SLIT2: variants seen among roughly 807,000 people sequenced by gnomAD.
The protein encoded by SLIT2 is slit homolog 2 protein.
In SLIT2, 41 loss-of-function variants were observed where a neutral mutation model predicts 185.7. The ratio of observed to expected loss-of-function variants is 0.22; its 90% CI spans 0.17 to 0.29. The LOEUF (loss-of-function observed/expected upper bound fraction) is 0.29, where lower values mean the gene tolerates loss of function less well. Ranked by LOEUF, SLIT2 falls within the 10% of genes least tolerant of loss-of-function variation. SLIT2 has a pLI of 1.00. For missense variants in SLIT2, 1,571 were observed against 1,909.0 expected, an observed-to-expected ratio of 0.82 and a Z score of 3.30; for synonymous variants, 693 against 680.2, an observed-to-expected ratio of 1.02 and a Z score of -0.29.
At chr4:20,506,247 A>G (rs184352194) in intron 9 of SLIT2, among the ~76,000 whole-genome samples, 34 of 152,100 alleles carry the variant, frequency 2.2e-4, no homozygotes, top group African/African-American at 6.5e-4. Flanking sequence ...TTCTAAATCT[A>G]TTTTTACTTT....
chr4:20,424,627 C>G (rs550584849), intron 4 of SLIT2, among the ~76,000 whole-genome samples: 1 of 152,034 alleles, frequency 6.6e-6, no homozygotes. Context: ...AATCTATTTT[C>G]TAGTTGAAAT....
chr4:20,337,867 G>A (rs895578940), intron 4 of SLIT2, among the ~76,000 whole-genome samples: 6 of 151,970 alleles, frequency 3.9e-5, no homozygotes, highest in African/African-American at 2.4e-5. Context: ...CACTTTAGAG[G>A]TCCCAGTCAA....
intron 26 of SLIT2, among the ~76,000 whole-genome samples, chr4:20,561,587 T>A (rs1232573526): frequency 6.6e-6 from 1 of 151,720 alleles, no homozygotes; most frequent in Non-Finnish European, 1.5e-5. Context: ...TTTTGAAGCA[T>A]TATTTAGAAT....
intron 6 of SLIT2, among the ~76,000 whole-genome samples, chr4:20,482,042 C>G (rs1716754601): frequency 6.6e-6 from 1 of 151,790 alleles, no homozygotes; most frequent in African/African-American, 2.4e-5. Flanking sequence ...AATTGTATAC[C>G]AGAACCATTT....
intron 4 of SLIT2, among the ~76,000 whole-genome samples, chr4:20,356,885 A>G (rs1246069682): frequency 1.3e-5 from 2 of 152,158 alleles, no homozygotes; most frequent in Non-Finnish European, 2.9e-5. Flanking sequence ...TCTTTTTGAA[A>G]TCTCCTTAGT....
chr4:20,603,211 G>A (rs1728540442), intron 33 of SLIT2, among the ~76,000 whole-genome samples: 1 of 152,136 alleles, frequency 6.6e-6, no homozygotes, highest in South Asian at 2.1e-4. Context: ...CTAAGCGAAA[G>A]GGGAAAACTC....
chr4:20,262,185 C>T (rs1712541958), intron 3 of SLIT2, among the ~76,000 whole-genome samples: 1 of 151,842 alleles, frequency 6.6e-6, no homozygotes, highest in African/African-American at 2.4e-5. Flanking sequence ...CTAAACACTA[C>T]ATTCTAATGA....
intron 4 of SLIT2, among the ~76,000 whole-genome samples, chr4:20,312,347 T>TA (rs1314190034): frequency 2.0e-5 from 3 of 152,224 alleles, no homozygotes; most frequent in African/African-American, 7.2e-5. Flanking sequence ...ATTTATTCTT[T>TA]AGTGAAATAC....
chr4:20,501,734 G>A (rs565064758), intron 9 of SLIT2, among the ~76,000 whole-genome samples: 1 of 152,240 alleles, frequency 6.6e-6, no homozygotes, highest in East Asian at 1.9e-4. Flanking sequence ...GGCCATTATT[G>A]AGTTCACTAT....
intron 4 of SLIT2, among the ~76,000 whole-genome samples, chr4:20,428,854 G>C (rs1728754329): frequency 6.6e-6 from 1 of 152,182 alleles, no homozygotes; most frequent in South Asian, 2.1e-4. Context: ...AGTGGCATCT[G>C]TCCTGCTCCC....
chr4:20,532,113 T>C lies in SLIT2; in HGVS notation c.1688+55T>C, dbSNP rs1418530110. The C allele has an allele frequency of 4.9e-6, 5 of 1,023,390 alleles. No individual in the cohort carries two copies. The African/African-American group carries it at 8.2e-5, about 17-fold the overall frequency. 63.4% of individuals were successfully genotyped at this position (1,023,390 alleles called of 1,614,324 possible). ...TTCTGTAGCATTTTTTGGGTGTTCATTTCAGTTAAGTTTCTTAGAAAATTA... is the reference window on the plus strand; with the variant it reads ...TTCTGTAGCATTTTTTGGGTGTTCACTTCAGTTAAGTTTCTTAGAAAATTA... On this transcript the variant is annotated intron_variant, in intron 17 of 36. Transcript: ENST00000504154.
intron 4 of SLIT2, among the ~76,000 whole-genome samples, chr4:20,270,831 T>A (rs1391959094): frequency 6.6e-6 from 1 of 152,046 alleles, no homozygotes; most frequent in African/African-American, 2.4e-5. Context: ...GTGGAATTTT[T>A]ATTTGCATCC....
chr4:20,524,219 T>C (rs1276923990), intron 14 of SLIT2, 42 bp downstream of exon 14: 41 of 1,595,438 alleles, frequency 2.6e-5, no homozygotes, highest in Non-Finnish European at 3.4e-5. Context: ...CCAACAACAA[T>C]GGTTACATGA....
intron 4 of SLIT2, among the ~76,000 whole-genome samples, chr4:20,327,242 A>T (rs1297117426): frequency 6.6e-6 from 1 of 152,002 alleles, no homozygotes; most frequent in African/African-American, 2.4e-5. Context: ...TTATGACATT[A>T]AACATGGGCC....
At position 20,528,396 on chromosome 4, in the gene SLIT2, TGCTGAG is replaced by T. The variant is rs1480590714; in HGVS notation, c.1463-549_1463-544del. 1.9e-6 allele frequency: 1 copy of T among 530,142 alleles called. No homozygotes were observed. Among genetic ancestry groups the T allele is most frequent in the Admixed American group, 2.0e-5 (1 of 51,030 alleles). The allele number at this position is 530,142 out of a possible 1,614,324, so 32.8% of individuals were successfully genotyped here. On this transcript the variant is annotated intron_variant, in intron 15 of 36. Coordinates refer to ENST00000504154, the MANE Select transcript of SLIT2 (RefSeq NM_004787.4). This position sits in a 1 kb window ranked among gnomAD's most constrained non-coding sequence, Gnocchi z 4.2. ...CGCAGCTTTCTACAGCATGACAAGC[TGCTGAG>T]GCTTAAATCAGGATTTTCCTGTCTC...
chr4:20,363,005 G>T (rs1424043495), intron 4 of SLIT2, among the ~76,000 whole-genome samples: 1 of 151,964 alleles, frequency 6.6e-6, no homozygotes, highest in Non-Finnish European at 1.5e-5. Flanking sequence ...CACCTTCTGA[G>T]ACTGAAACAA....
intron 4 of SLIT2, among the ~76,000 whole-genome samples, chr4:20,340,687 G>A (rs914640315): frequency 6.6e-5 from 10 of 152,098 alleles, no homozygotes; most frequent in African/African-American, 9.7e-5. Flanking sequence ...TGCGAGCTCC[G>A]CCTTCCAGGT....
At chr4:20,552,113 G>A (rs1045474757) in intron 25 of SLIT2, among the ~76,000 whole-genome samples, 6 of 152,118 alleles carry the variant, frequency 3.9e-5, no homozygotes, top group South Asian at 4.1e-4. Flanking sequence ...TGGCTGCCAC[G>A]TGCATGAGCT....
At chr4:20,580,435 GTA>G (rs139503611) in intron 29 of SLIT2, among the ~76,000 whole-genome samples, 1 of 145,694 alleles carries the variant, frequency 6.9e-6, no homozygotes, top group Non-Finnish European at 1.5e-5. Context: ...GTGTGTGTGT[GTA>G]TGCACATAAG....
Sources: allele counts gnomAD v4.1 joint callset (sites outside exome capture counted in the v4.1 genomes callset), GRCh38; gene constraint gnomAD v4.1.1; non-coding constraint Gnocchi (gnomAD v3.1); transcripts MANE v1.5; gene names NCBI Gene and HGNC (gene_info 2026-07-23, HGNC 2026-07-21).